The following CSMD1 variants were observed in gnomAD, a reference collection of about 807,000 sequenced individuals.
CSMD1 encodes the protein CUB and Sushi multiple domains 1.
A neutral mutation model predicts 417.5 loss-of-function variants in CSMD1; 213 were observed. The observed-to-expected ratio is 0.51, with a 90% CI of 0.46 to 0.57. CSMD1 has a LOEUF of 0.57. Among genes scored for constraint, CSMD1 ranks in the 20% least tolerant of loss-of-function variants. The pLI is 0.00. For synonymous variants in CSMD1, 2,862 were observed against 1,736.8 expected (o/e 1.65, Z -16.11); for missense variants, 6,923 against 4,529.7 (o/e 1.53, Z -15.17).
chr8:3,989,077 T>C (rs1814548487), intron 5 of CSMD1, among the ~76,000 whole-genome samples: 1 of 152,232 alleles, frequency 6.6e-6, no homozygotes, highest in Admixed American at 6.5e-5. Flanking sequence ...GAACTCTCTA[T>C]GGCACTGTTT....
chr8:4,685,513 T>C lies in CSMD1; in HGVS notation c.86-47955A>G, dbSNP rs192832984. Among the ~76,000 whole-genome samples the C allele has an allele frequency of 3.3e-3, 494 of 151,746 alleles. 2 individuals are homozygous for C. Among genetic ancestry groups the C allele is most frequent in the Admixed American group, 7.0e-3 (106 of 15,248 alleles). ...TCGCTTAGAACTCAGGAGGCGGAGG[T>C]TGCAGTGAGTCGAGATCACACCACT... On this transcript the variant is annotated intron_variant, in intron 1 of 69. Transcript: ENST00000635120.
chr8:4,447,806 A>G (rs1396664079), intron 2 of CSMD1, among the ~76,000 whole-genome samples: 1 of 152,208 alleles, frequency 6.6e-6, no homozygotes, highest in African/African-American at 2.4e-5. Flanking sequence ...AACGAACACA[A>G]CTAAGAAGTC....
chr8:4,317,426 T>C (rs556128479), intron 3 of CSMD1, among the ~76,000 whole-genome samples: 7 of 152,182 alleles, frequency 4.6e-5, no homozygotes, highest in African/African-American at 1.7e-4. Flanking sequence ...AGTTAGTGTA[T>C]CTCTGTTGTC....
chr8:4,445,589 TAAGA>T lies in CSMD1; in HGVS notation c.303-25528_303-25525del, dbSNP rs530871146. Among the ~76,000 whole-genome samples the T allele has an allele frequency of 1.1e-4, 17 of 152,286 alleles. No homozygotes were observed. The South Asian group carries it at 3.3e-3, about 30-fold the overall frequency. On this transcript the variant is annotated intron_variant, in intron 2 of 69. Transcript: ENST00000635120. Reference sequence around the variant, plus strand: ...TGAATTGAAATAATACGCTGGTGTTTAAGAAAGAACTGTGTGTTCAGAGTCGAAC... The same window carrying T: ...TGAATTGAAATAATACGCTGGTGTTTAAGAACTGTGTGTTCAGAGTCGAAC...
intron 7 of CSMD1, among the ~76,000 whole-genome samples, chr8:3,691,174 G>A (rs2623602): frequency 1.3e-4 from 19 of 151,858 alleles, no homozygotes; most frequent in South Asian, 2.1e-4. Context: ...TGAGACCAGC[G>A]TGACCAACAT....
intron 1 of CSMD1, among the ~76,000 whole-genome samples, chr8:4,688,700 G>C (rs915109827): frequency 6.6e-6 from 1 of 152,022 alleles, no homozygotes; most frequent in African/African-American, 2.4e-5. Flanking sequence ...TATGAGATTC[G>C]TGTAGCACTC....
At chr8:4,120,345 T>C (rs193216474) in intron 3 of CSMD1, among the ~76,000 whole-genome samples, 21 of 152,086 alleles carry the variant, frequency 1.4e-4, no homozygotes, top group Admixed American at 1.2e-3. Flanking sequence ...TAAGATAAGA[T>C]TATTTTATAA....
At chr8:3,384,668 G>A (rs567804481) in intron 18 of CSMD1, among the ~76,000 whole-genome samples, 2 of 126,478 alleles carry the variant, frequency 1.6e-5, no homozygotes, top group East Asian at 2.2e-4. Context: ...TAATATAGAT[G>A]CTATTTATAT....
In CSMD1 at chr8:3,214,498, A is replaced by T; in HGVS notation, c.4866T>A (p.Asn1622Lys). ...PSWDQVLPSCNAPCGGQYTGS... is the reference protein window; with the variant it reads ...PSWDQVLPSCKAPCGGQYTGS... ...GAAAATACCCAAGCGTGCACTCACC[A>T]TTGCAGGAGGGCAGCACTTGGTCCC... is the stretch of plus-strand genomic sequence containing the variant. The change falls in exon 30 of 70, where the codon AAT (asparagine) becomes AAA (lysine). Residue 1622 changes from asparagine (N) to lysine (K), a missense_variant and splice_region_variant. By Grantham distance (94) the Asn-to-Lys change is moderately conservative (BLOSUM62 0). Transcript: ENST00000635120. 6.3e-7 allele frequency: 1 copy of T among 1,588,570 alleles called. No individual in the cohort carries two copies. Among genetic ancestry groups the T allele is most frequent in the Non-Finnish European group, 8.6e-7 (1 of 1,167,804 alleles).
At chr8:3,356,119 A>C (rs912649697) in intron 21 of CSMD1, among the ~76,000 whole-genome samples, 5 of 152,238 alleles carry the variant, frequency 3.3e-5, no homozygotes, top group African/African-American at 1.2e-4. Context: ...GGGAGGTTAA[A>C]ACGGCACACT....
intron 12 of CSMD1, among the ~76,000 whole-genome samples, chr8:3,439,153 C>CAAAAAAAAAAAAAAAAA (rs1563390140): frequency 2.5e-5 from 1 of 39,894 alleles, no homozygotes; most frequent in African/African-American, 1.1e-4. Flanking sequence ...AAAAAAAAAA[C>CAAAAAAAAAAAAAAAAA]CAAGAAAAAA....
At chr8:4,727,112 C>T (rs926994676) in intron 1 of CSMD1, among the ~76,000 whole-genome samples, 1 of 152,084 alleles carries the variant, frequency 6.6e-6, no homozygotes, top group African/African-American at 2.4e-5. Context: ...AGCTGAGGCC[C>T]TTCTGCAGCT....
At position 4,124,562 on chromosome 8, in the gene CSMD1, G is replaced by A. The variant is rs569856371; in HGVS notation, c.416-92463C>T. Among the ~76,000 whole-genome samples the A allele has an allele frequency of 5.9e-5, 9 of 152,270 alleles. No individual in the cohort carries two copies. In the South Asian group the frequency reaches 1.9e-3, roughly 32 times the overall value. On this transcript the variant is annotated intron_variant, in intron 3 of 69. Coordinates refer to ENST00000635120, the MANE Select transcript of CSMD1 (RefSeq NM_033225.6). The stretch of plus-strand genomic sequence containing the variant: ...ACTTACAGAAGCTTTGTGGCCACCT[G>A]CGCCCGGTAGTGGGGACCATCTGGG...
At chr8:3,715,324 C>A (rs971795540) in intron 6 of CSMD1, among the ~76,000 whole-genome samples, 1 of 152,156 alleles carries the variant, frequency 6.6e-6, no homozygotes, top group Non-Finnish European at 1.5e-5. Flanking sequence ...AGCTATGTCT[C>A]TACTGTGGTT....
chr8:4,566,848 C>G (rs2617061), intron 2 of CSMD1, among the ~76,000 whole-genome samples: 68,706 of 151,476 alleles, frequency 0.45, 16,501 homozygotes, highest in East Asian at 0.56. Flanking sequence ...GAAGATATAG[C>G]TCCATCTTTT....
intron 12 of CSMD1, among the ~76,000 whole-genome samples, chr8:3,418,364 A>G (rs1813288250): frequency 6.6e-6 from 1 of 152,274 alleles, no homozygotes; most frequent in Non-Finnish European, 1.5e-5. Flanking sequence ...TGTCCAAATT[A>G]TTTATTAGTG....
chr8:4,370,360 G>C (rs1802326781), intron 3 of CSMD1, among the ~76,000 whole-genome samples: 1 of 152,092 alleles, frequency 6.6e-6, no homozygotes, highest in Non-Finnish European at 1.5e-5. Flanking sequence ...CTTCTCTCTA[G>C]CTGCTTTCAA....
chr8:4,324,969 A>T (rs2036548), intron 3 of CSMD1, among the ~76,000 whole-genome samples: 1 of 151,876 alleles, frequency 6.6e-6, no homozygotes, highest in African/African-American at 2.4e-5. Context: ...GGATATCATT[A>T]TATCACTGTT....
intron 6 of CSMD1, among the ~76,000 whole-genome samples, chr8:3,711,508 C>G (rs1445832725): frequency 2.0e-5 from 3 of 152,210 alleles, no homozygotes; most frequent in African/African-American, 4.8e-5. Context: ...ACGGAACTCT[C>G]AGAGAGGGAC....
Sources: allele counts gnomAD v4.1 joint callset (sites outside exome capture counted in the v4.1 genomes callset), GRCh38; gene constraint gnomAD v4.1.1; transcripts MANE v1.5; gene names NCBI Gene and HGNC (gene_info 2026-07-23, HGNC 2026-07-21).